The following STK3 variants were observed in gnomAD, a reference collection of about 807,000 sequenced individuals.
STK3 encodes the protein serine/threonine-protein kinase 3.
Under a neutral mutation model 58.0 loss-of-function variants are expected in STK3, and 41 were observed. That is an observed-to-expected ratio of 0.71 (90% confidence interval 0.55 to 0.92). The LOEUF is 0.92. Among genes scored for constraint, STK3 ranks in the 40% least tolerant of loss-of-function variants. STK3 has a pLI of 0.00. For synonymous variants in STK3, 170 were observed against 191.0 expected (o/e 0.89, Z 0.91); for missense variants, 479 against 602.7 (o/e 0.79, Z 2.15).
chr8:98,840,595 A>G (rs1029689746), intron 3 of STK3, among the ~76,000 whole-genome samples: 1 of 53,564 alleles, frequency 1.9e-5, no homozygotes, highest in Non-Finnish European at 4.2e-5. Flanking sequence ...ATATATATAT[A>G]TATATATATA....
chr8:98,432,828 G>A (rs1818356300), intron 3 of STK3: 1 of 166,754 alleles, frequency 6.0e-6, no homozygotes, highest in African/African-American at 2.4e-5. Flanking sequence ...TACTGTGCAA[G>A]CATTGACACA....
chr8:98,750,772 T>A (rs995036338), intron 3 of STK3, among the ~76,000 whole-genome samples: 2 of 152,172 alleles, frequency 1.3e-5, no homozygotes, highest in Non-Finnish European at 2.9e-5. Flanking sequence ...ATCATTCTGA[T>A]ACCAAAACCT....
downstream of STK3, among the ~76,000 whole-genome samples, chr8:98,396,909 T>C (rs1817902102): frequency 6.6e-6 from 1 of 152,216 alleles, no homozygotes. Flanking sequence ...AATTACTATG[T>C]ACCAGGCCCT....
chr8:98,848,207 C>T (rs1165367774), intron 3 of STK3, among the ~76,000 whole-genome samples: 1 of 152,018 alleles, frequency 6.6e-6, no homozygotes, highest in Non-Finnish European at 1.5e-5. Context: ...TCTCAATTCC[C>T]TCATCCCTCC....
intron 6 of STK3, among the ~76,000 whole-genome samples, chr8:98,682,976 T>C (rs188829579): frequency 1.3e-5 from 2 of 152,160 alleles, no homozygotes; most frequent in Admixed American, 1.3e-4. Flanking sequence ...AAATAAAACT[T>C]ACTATGACCA....
At chr8:98,887,655 A>G (rs1418635229) in intron 1 of STK3, among the ~76,000 whole-genome samples, 2 of 152,200 alleles carry the variant, frequency 1.3e-5, no homozygotes, top group African/African-American at 2.4e-5. Flanking sequence ...GTATGAGACC[A>G]TAGAAATGGA....
intron 9 of STK3, among the ~76,000 whole-genome samples, chr8:98,542,241 A>G (rs1461593881): frequency 6.6e-6 from 1 of 152,172 alleles, no homozygotes; most frequent in Non-Finnish European, 1.5e-5. Flanking sequence ...ATGTAAATGT[A>G]CTTTTATACT....
chr8:98,720,389 A>G (rs947567428), intron 4 of STK3, among the ~76,000 whole-genome samples: 1 of 152,214 alleles, frequency 6.6e-6, no homozygotes. Flanking sequence ...TTTCTTCAAC[A>G]ATCAATATTA....
intron 3 of STK3, among the ~76,000 whole-genome samples, chr8:98,847,458 G>A (rs796458785): frequency 2.0e-5 from 3 of 152,236 alleles, no homozygotes; most frequent in African/African-American, 7.2e-5. Flanking sequence ...CAGCCCAATG[G>A]CTTTTTCTCT....
intron 6 of STK3, chr8:98,633,713 A>T (rs1819426746): frequency 3.0e-6 from 2 of 671,562 alleles, no homozygotes; most frequent in Non-Finnish European, 5.6e-6. Context: ...AGTGACAGAC[A>T]TCTGGAGGAT....
intron 1 of STK3, among the ~76,000 whole-genome samples, chr8:98,797,835 C>T (rs1833276221): frequency 1.3e-5 from 2 of 151,930 alleles, no homozygotes; most frequent in Admixed American, 6.6e-5. Flanking sequence ...CAGGCAGATG[C>T]CACAGAACAA....
rs117937055 is a variant in STK3, at chr8:98,497,908, A to C, written c.1317+28834T>G. ...GACAGTTCCTCAACAGAGCATTTCC[A>C]TATTATTCAGCAATTCTTCTCCTAG... is the stretch of plus-strand genomic sequence containing the variant. On this transcript the variant is annotated intron_variant, in intron 10 of 10. Coordinates refer to ENST00000419617, the MANE Select transcript of STK3 (RefSeq NM_006281.4). Among the ~76,000 whole-genome samples, 201 of 152,330 alleles carry C rather than the reference A, an allele frequency of 1.3e-3. 6 individuals carry two copies. The East Asian group carries it at 0.032, about 25-fold the overall frequency.
upstream of STK3, chr8:98,391,540 C>T (rs1227758400): frequency 6.6e-6 from 1 of 152,280 alleles, no homozygotes. Flanking sequence ...GAAAGCTGGG[C>T]TTTGGTCACC....
At chr8:98,349,199 A>G in the STK3 span, among the ~76,000 whole-genome samples, 1 of 152,248 alleles carries the variant, frequency 6.6e-6, no homozygotes, top group Non-Finnish European at 1.5e-5. Context: ...TAGAAAAGGC[A>G]GAACTACAGA....
chr8:98,647,779 T>C (rs1820516619), intron 6 of STK3, among the ~76,000 whole-genome samples: 1 of 152,214 alleles, frequency 6.6e-6, no homozygotes, highest in East Asian at 1.9e-4. Flanking sequence ...GTAGCTGGGA[T>C]TGTAGGCATG....
chr8:98,620,202 A>C (rs1395909016), intron 6 of STK3, among the ~76,000 whole-genome samples: 1 of 88,216 alleles, frequency 1.1e-5, no homozygotes, highest in Non-Finnish European at 2.2e-5. Context: ...CATTCTCAGT[A>C]AACTATCGCA....
chr8:98,724,243 A>G (rs1246809251), intron 4 of STK3, among the ~76,000 whole-genome samples: 4 of 152,132 alleles, frequency 2.6e-5, no homozygotes, highest in African/African-American at 9.7e-5. Context: ...CTAATACAAC[A>G]TTTAAGGCCT....
intron 3 of STK3, among the ~76,000 whole-genome samples, chr8:98,871,307 G>A (rs527315586): frequency 6.6e-6 from 1 of 152,226 alleles, no homozygotes; most frequent in East Asian, 1.9e-4. Context: ...TTTTTGCTTA[G>A]GATTGTCTTG....
intron 8 of STK3, among the ~76,000 whole-genome samples, chr8:98,570,420 C>T (rs1812866523): frequency 6.6e-6 from 1 of 151,954 alleles, no homozygotes; most frequent in Non-Finnish European, 1.5e-5. Flanking sequence ...GGATTACAGG[C>T]GTGAGCCACC....
Sources: allele counts gnomAD v4.1 joint callset (sites outside exome capture counted in the v4.1 genomes callset), GRCh38; gene constraint gnomAD v4.1.1; transcripts MANE v1.5; gene names NCBI Gene and HGNC (gene_info 2026-07-23, HGNC 2026-07-21).